Variants in IQGAP1 observed in about 807,000 individuals in gnomAD.
IQGAP1 encodes the protein IQ motif containing GTPase activating protein 1, also known as ras GTPase-activating-like protein IQGAP1.
Under a neutral mutation model 215.6 loss-of-function variants are expected in IQGAP1, and 66 were observed. That is an observed-to-expected ratio of 0.31 (90% CI 0.25 to 0.38). The LOEUF is 0.38. Ranked by LOEUF, IQGAP1 falls within the 10% of genes least tolerant of loss-of-function variation. The probability of loss-of-function intolerance (pLI) is 1.00; values close to 1 mark genes in which losing one functional copy is unlikely to be tolerated. For missense variants in IQGAP1, 1,712 were observed against 1,997.1 expected, an observed-to-expected ratio of 0.86 and a Z score of 2.72; for synonymous variants, 772 against 728.7, an observed-to-expected ratio of 1.06 and a Z score of -0.96.
chr15:90,462,322 G>A (rs138424567), intron 15 of IQGAP1, among the ~76,000 whole-genome samples: 219 of 152,208 alleles, frequency 1.4e-3, no homozygotes, highest in Non-Finnish European at 2.8e-3. Flanking sequence ...ATTTTGTTTG[G>A]TACATTGTTA....
chr15:90,417,312 G>A (rs1287054892), intron 2 of IQGAP1, among the ~76,000 whole-genome samples: 3 of 152,124 alleles, frequency 2.0e-5, no homozygotes, highest in African/African-American at 7.2e-5. Flanking sequence ...TATTGCCTAG[G>A]TTTTCTTCTA....
At chr15:90,426,621 T>C (rs1417472672) in intron 3 of IQGAP1, among the ~76,000 whole-genome samples, 1 of 152,148 alleles carries the variant, frequency 6.6e-6, no homozygotes, top group East Asian at 1.9e-4. Context: ...TTTAATTCTT[T>C]AGAAGGTAGA....
chr15:90,492,419 T>TAAAA (rs56724183), intron 34 of IQGAP1, 126 bp from the exon 35 acceptor site: 318 of 370,794 alleles, frequency 8.6e-4, no homozygotes, highest in Non-Finnish European at 1.0e-3. Context: ...ACAGAGTGTC[T>TAAAA]AAAAAAAAAA....
chr15:90,452,995 T>C, intron 12 of IQGAP1, 57 bp downstream of exon 12: 1 of 1,588,620 alleles, frequency 6.3e-7, no homozygotes, highest in Non-Finnish European at 8.6e-7. Context: ...GTGAGTGTAA[T>C]ACCCACTTCT....
At chr15:90,411,156 T>A (rs1964959277) in intron 2 of IQGAP1, among the ~76,000 whole-genome samples, 1 of 152,236 alleles carries the variant, frequency 6.6e-6, no homozygotes, top group Non-Finnish European at 1.5e-5. Context: ...TGGCCATCCA[T>A]CCTTACCCCA....
chr15:90,477,052 T>A lies in IQGAP1; in HGVS notation c.2941-15T>A. On this transcript the variant is annotated splice_polypyrimidine_tract_variant and intron_variant, in intron 24 of 37. Coordinates refer to ENST00000268182, the MANE Select transcript of IQGAP1 (RefSeq NM_003870.4). ...ATATTACCTACAAATGACTTATCCC[T>A]TGGTTTTATTTCAGACCAATCCCAC... 7 of 1,612,680 alleles carry A rather than the reference T, an allele frequency of 4.3e-6. No individual in the cohort carries two copies. Among genetic ancestry groups the A allele is most frequent in the Non-Finnish European group, 5.9e-6 (7 of 1,179,180 alleles).
At chr15:90,473,614 A>T (rs1965935496) in intron 19 of IQGAP1, 101 bp from the exon 20 acceptor site, 1 of 800,720 alleles carries the variant, frequency 1.2e-6, no homozygotes, top group Non-Finnish European at 2.0e-6. Flanking sequence ...AAACTTCATC[A>T]TGAAATTGCA....
intron 8 of IQGAP1, among the ~76,000 whole-genome samples, chr15:90,442,759 A>G (rs1965469583): frequency 6.6e-6 from 1 of 152,156 alleles, no homozygotes; most frequent in Admixed American, 6.5e-5. Context: ...ACTTGAGGTT[A>G]GGAGTTTGAG....
intron 16 of IQGAP1, 55 bp from the exon 17 acceptor site, chr15:90,466,214 A>C: frequency 2.5e-6 from 4 of 1,590,192 alleles, no homozygotes; most frequent in Non-Finnish European, 3.5e-6. Context: ...GTGAAGCAGT[A>C]TGTGAATTTA....
At chr15:90,393,315 A>G (rs541886694) in intron 2 of IQGAP1, among the ~76,000 whole-genome samples, 11 of 152,312 alleles carry the variant, frequency 7.2e-5, no homozygotes, top group Non-Finnish European at 1.3e-4. Flanking sequence ...ATTGCATAAT[A>G]TATACTTGAA....
chr15:90,391,000 G>A (rs889816260), intron 2 of IQGAP1, 127 bp downstream of exon 2: 5 of 631,936 alleles, frequency 7.9e-6, no homozygotes, highest in East Asian at 2.9e-5. Context: ...TTGGGAGGCC[G>A]AGGTGGGGGG....
intron 2 of IQGAP1, among the ~76,000 whole-genome samples, chr15:90,392,269 C>T (rs1201510698): frequency 6.6e-6 from 1 of 152,164 alleles, no homozygotes; most frequent in Non-Finnish European, 1.5e-5. Context: ...GAGGATAACA[C>T]TTGTCTTTCT....
chr15:90,499,788 G>A (rs1164763774), intron 37 of IQGAP1, among the ~76,000 whole-genome samples: 3 of 152,166 alleles, frequency 2.0e-5, no homozygotes, highest in African/African-American at 4.8e-5. Flanking sequence ...CTTGGCCAAT[G>A]TGCCCTATTG....
chr15:90,497,056 A>G (rs1014084022), intron 36 of IQGAP1, 176 bp from the exon 37 acceptor site: 1 of 523,762 alleles, frequency 1.9e-6, no homozygotes, highest in Non-Finnish European at 3.4e-6. Flanking sequence ...GTCCCAGAGC[A>G]GATGGTACTT....
intron 5 of IQGAP1, among the ~76,000 whole-genome samples, chr15:90,434,783 G>GTCA (rs146447736): frequency 0.02 from 3,022 of 152,260 alleles, 81 homozygotes; most frequent in African/African-American, 0.069. Flanking sequence ...AGCATTGAGG[G>GTCA]TCATGTTGGT....
intron 2 of IQGAP1, among the ~76,000 whole-genome samples, chr15:90,416,477 C>T (rs1489666602): frequency 6.6e-6 from 1 of 152,174 alleles, no homozygotes; most frequent in African/African-American, 2.4e-5. Flanking sequence ...GAGGAACTGC[C>T]ACACTGTCTT....
chr15:90,478,217 C>T (rs1053404286), intron 26 of IQGAP1, among the ~76,000 whole-genome samples: 1 of 152,190 alleles, frequency 6.6e-6, no homozygotes, highest in African/African-American at 2.4e-5. Flanking sequence ...TCTCGAACTC[C>T]TGACCTCAGG....
intron 2 of IQGAP1, among the ~76,000 whole-genome samples, chr15:90,419,173 C>T (rs2151010919): frequency 6.7e-6 from 1 of 150,168 alleles, no homozygotes; most frequent in South Asian, 2.1e-4. Flanking sequence ...GTATGGGCTT[C>T]AGAATCACAC....
At chr15:90,445,725 G>A (rs1965518170) in intron 9 of IQGAP1, among the ~76,000 whole-genome samples, 1 of 151,932 alleles carries the variant, frequency 6.6e-6, no homozygotes, top group African/African-American at 2.4e-5. Context: ...TGTTCTCATT[G>A]TTCATTTGGA....
Sources: gnomAD v4.1 joint callset for allele counts (sites outside exome capture counted in the v4.1 genomes callset) on GRCh38, gnomAD v4.1.1 for gene constraint, MANE v1.5 for transcripts, NCBI Gene and HGNC (gene_info 2026-07-23, HGNC 2026-07-21) for gene names.